Variants in UBE2Q2 observed in about 807,000 individuals in gnomAD.
UBE2Q2 encodes ubiquitin conjugating enzyme E2 Q2, also known as ubiquitin-conjugating enzyme E2 Q2.
A neutral mutation model predicts 59.9 loss-of-function variants in UBE2Q2; 54 were observed. The ratio of observed to expected loss-of-function variants is 0.90; its 90% CI spans 0.72 to 1.13. UBE2Q2 has a LOEUF of 1.13. Ranked by LOEUF, UBE2Q2 falls within the 50% of genes most tolerant of loss-of-function variation. The pLI is 0.00. For missense variants in UBE2Q2, 433 were observed against 441.9 expected (o/e 0.98, Z 0.18); for synonymous variants, 165 against 155.2 (o/e 1.06, Z -0.47).
intron 3 of UBE2Q2, among the ~76,000 whole-genome samples, chr15:75,864,168 A>G (rs1897335224): frequency 6.6e-6 from 1 of 152,198 alleles, no homozygotes; most frequent in Non-Finnish European, 1.5e-5. Flanking sequence ...TATATTAAGT[A>G]AGGTTATACT....
At chr15:75,851,834 A>G (rs187448757) in intron 1 of UBE2Q2, among the ~76,000 whole-genome samples, 44 of 152,312 alleles carry the variant, frequency 2.9e-4, no homozygotes, top group Admixed American at 2.5e-3. Context: ...GACATATTCA[A>G]GGATTCAGAT....
intron 3 of UBE2Q2, 40 bp from the exon 4 acceptor site, chr15:75,868,911 T>C: frequency 6.2e-7 from 1 of 1,600,398 alleles, no homozygotes; most frequent in Non-Finnish European, 8.6e-7. Context: ...CTGTGCATAT[T>C]TGTTCTGTAT....
At chr15:75,876,312 G>T (rs372939427) in intron 6 of UBE2Q2, 41 bp downstream of exon 6, 351 of 1,515,150 alleles carry the variant, frequency 2.3e-4, no homozygotes, top group Non-Finnish European at 2.9e-4. Flanking sequence ...TGATTCTTCT[G>T]CTCTTTTCTA....
At chr15:75,847,411 T>A (rs1437980703) in intron 1 of UBE2Q2, among the ~76,000 whole-genome samples, 2 of 152,190 alleles carry the variant, frequency 1.3e-5, no homozygotes, top group Admixed American at 6.5e-5. Flanking sequence ...AGTAGATGTT[T>A]TACTCTGTAG....
chr15:75,868,833 G>A, intron 3 of UBE2Q2, 118 bp from the exon 4 acceptor site: 1 of 748,446 alleles, frequency 1.3e-6, no homozygotes, highest in Non-Finnish European at 2.3e-6. Flanking sequence ...TTAATAAACT[G>A]TCTGGTAGTG....
rs1465620090 is a variant in UBE2Q2, at chr15:75,899,776, G to A, written c.*318G>A. 1.1e-5 allele frequency: 2 copies of A among 186,556 alleles called. No homozygotes were observed. Among genetic ancestry groups the A allele is most frequent in the Non-Finnish European group, 2.2e-5 (2 of 90,982 alleles). The allele number at this position is 186,556 out of a possible 1,614,324, so 11.6% of individuals were successfully genotyped here. On this transcript the variant is annotated 3_prime_UTR_variant, in exon 13 of 13. Transcript: ENST00000267938. ...AAGTCAACATCAGGCTACTGAAGTT[G>A]AGGCTTTAGGGTAACTTTCCTATAT...
intron 9 of UBE2Q2, among the ~76,000 whole-genome samples, chr15:75,888,020 A>G (rs943374306): frequency 6.6e-6 from 1 of 152,208 alleles, no homozygotes; most frequent in Admixed American, 6.5e-5. Context: ...TTCATATCCC[A>G]TATCTTCTAG....
chr15:75,896,756 A>G (rs1368484197), intron 11 of UBE2Q2, among the ~76,000 whole-genome samples: 4 of 152,220 alleles, frequency 2.6e-5, no homozygotes, highest in Non-Finnish European at 5.9e-5. Flanking sequence ...GAAGACTTAT[A>G]AAAATGAACT....
chr15:75,877,936 G>C, intron 6 of UBE2Q2, 25 bp from the exon 7 acceptor site: 1 of 1,600,114 alleles, frequency 6.2e-7, no homozygotes, highest in Middle Eastern at 1.7e-4. Context: ...ATGAAGAGTA[G>C]CTAACATGCT....
intron 3 of UBE2Q2, among the ~76,000 whole-genome samples, chr15:75,867,304 C>T (rs1897549607): frequency 6.6e-6 from 1 of 152,212 alleles, no homozygotes; most frequent in South Asian, 2.1e-4. Context: ...TCCTTACCAA[C>T]TGTAGATGGG....
chr15:75,873,083 T>G (rs1897882618), intron 4 of UBE2Q2, among the ~76,000 whole-genome samples: 1 of 152,232 alleles, frequency 6.6e-6, no homozygotes. Context: ...GTTGAGTTTC[T>G]GGAACAAACT....
chr15:75,873,548 C>A lies in UBE2Q2; in HGVS notation c.568C>A (p.Gln190Lys). The change falls in exon 5 of 13, where the codon CAA (glutamine) becomes AAA (lysine). Residue 190 changes from glutamine to lysine, a missense_variant. Gln to Lys is a moderately conservative substitution (Grantham distance 53). Transcript: ENST00000267938. ...LAILEKIRKT[Q>K]RQDHLNGAVS... ...AATATTAGAGAAAATTAGGAAGACT[C>A]AAAGGCAAGACCATTTAAATGTAAG... The A allele has an allele frequency of 1.9e-6, 3 of 1,613,304 alleles. No homozygotes were observed. The highest frequency in any genetic ancestry group is 1.1e-5 in the South Asian group (1 of 90,890).
At chr15:75,855,028 GA>G (rs1038588516) in intron 2 of UBE2Q2, among the ~76,000 whole-genome samples, 2 of 151,410 alleles carry the variant, frequency 1.3e-5, no homozygotes, top group Non-Finnish European at 2.9e-5. Flanking sequence ...ATATAGACAG[GA>G]AAAAAAATTA....
intron 4 of UBE2Q2, among the ~76,000 whole-genome samples, chr15:75,869,945 G>A (rs1421889054): frequency 6.6e-6 from 1 of 151,884 alleles, no homozygotes; most frequent in Non-Finnish European, 1.5e-5. Flanking sequence ...CCATGGTCTT[G>A]ATTTAAAAAA....
intron 3 of UBE2Q2, among the ~76,000 whole-genome samples, chr15:75,864,520 G>A (rs982837156): frequency 6.6e-6 from 1 of 151,822 alleles, no homozygotes; most frequent in Admixed American, 6.6e-5. Context: ...CTCCAATCTG[G>A]AGGATGAGTC....
At chr15:75,874,996 T>A (rs567830896) in intron 5 of UBE2Q2, among the ~76,000 whole-genome samples, 5 of 152,328 alleles carry the variant, frequency 3.3e-5, no homozygotes, top group African/African-American at 1.2e-4. Flanking sequence ...TAATTTTTAG[T>A]AGAGCAAAGA....
At position 75,890,463 on chromosome 15, in the gene UBE2Q2, A is replaced by G. The variant is rs1236251495; in HGVS notation, c.913A>G (p.Met305Val). 5 of 1,608,744 alleles carry G rather than the reference A, an allele frequency of 3.1e-6. No individual in the cohort carries two copies. The highest frequency in any genetic ancestry group is 4.2e-6 in the Non-Finnish European group (5 of 1,178,924). The part of the protein sequence containing the change: ...GYVLGGGALC[M>V]ELLTKQGWSS... ...TGTATTGGGTGGAGGAGCATTATGT[A>G]TGGAACTTCTCACAAAACAGGTGAC... Residue 305 changes from methionine to valine, a missense_variant, in exon 10 of 13, where the codon ATG becomes GTG. Physicochemically the swap from Met to Val is conservative, Grantham distance 21. Coordinates refer to ENST00000267938, the MANE Select transcript of UBE2Q2 (RefSeq NM_173469.4).
In UBE2Q2 at chr15:75,879,035, T is replaced by G; in HGVS notation, c.735-63T>G. The G allele has an allele frequency of 3.1e-6, 4 of 1,273,882 alleles. No homozygotes were observed. In the South Asian group the frequency reaches 6.2e-5, roughly 20 times the overall value. The allele number at this position is 1,273,882 out of a possible 1,614,324, so 78.9% of individuals were successfully genotyped here. ...GCTGTCATACTAGTTCATTTTTGAG[T>G]TTAGTTAAAAAAAAAAATCTCTAAC... On this transcript the variant is annotated intron_variant, in intron 7 of 12. Transcript: ENST00000267938.
At chr15:75,844,037 G>A in intron 1 of UBE2Q2, 191 bp downstream of exon 1, 1 of 1,408,162 alleles carries the variant, frequency 7.1e-7, no homozygotes, top group South Asian at 1.6e-5. Context: ...GGGAGGAGGC[G>A]GAGGGCGCGT....
Sources: allele counts gnomAD v4.1 joint callset (sites outside exome capture counted in the v4.1 genomes callset), GRCh38; gene constraint gnomAD v4.1.1; transcripts MANE v1.5; gene names NCBI Gene and HGNC (gene_info 2026-07-23, HGNC 2026-07-21).